MET: variants seen among roughly 807,000 people sequenced by gnomAD.
MET encodes the protein hepatocyte growth factor receptor.
In MET, 48 loss-of-function variants were observed where a neutral mutation model predicts 133.1. The ratio of observed to expected loss-of-function variants is 0.36; its 90% CI spans 0.29 to 0.46. MET has a LOEUF of 0.46. Among genes scored for constraint, MET ranks in the 20% least tolerant of loss-of-function variants. The pLI, the probability that MET is intolerant of heterozygous loss-of-function variation, is 1.00. For synonymous variants in MET, 628 were observed against 616.5 expected, an observed-to-expected ratio of 1.02 and a Z score of -0.28; for missense variants, 1,442 against 1,695.9, an observed-to-expected ratio of 0.85 and a Z score of 2.63.
intron 2 of MET, among the ~76,000 whole-genome samples, chr7:116,710,629 C>A (rs949318941): frequency 6.6e-6 from 1 of 151,712 alleles, no homozygotes; most frequent in Non-Finnish European, 1.5e-5. Flanking sequence ...TCACTATTTG[C>A]GGCACAGTTA....
intron 1 of MET, among the ~76,000 whole-genome samples, chr7:116,676,990 T>G (rs1011237585): frequency 5.7e-5 from 4 of 70,586 alleles, no homozygotes; most frequent in Admixed American, 2.5e-4. Flanking sequence ...GTTGTTTTGT[T>G]TTTTTTTTTG....
chr7:116,721,619 T>C (rs1792488626), intron 2 of MET, among the ~76,000 whole-genome samples: 1 of 152,188 alleles, frequency 6.6e-6, no homozygotes, highest in African/African-American at 2.4e-5. Context: ...CTTGTGGGCA[T>C]TTAGTGCTAT....
At chr7:116,720,200 C>T (rs1207890929) in intron 2 of MET, among the ~76,000 whole-genome samples, 1 of 148,616 alleles carries the variant, frequency 6.7e-6, no homozygotes, top group Non-Finnish European at 1.5e-5. Flanking sequence ...AGGTCCTTCA[C>T]ATCCCTTGTA....
intron 2 of MET, among the ~76,000 whole-genome samples, chr7:116,703,173 A>C (rs1791643630): frequency 6.6e-6 from 1 of 152,140 alleles, no homozygotes; most frequent in Non-Finnish European, 1.5e-5. Flanking sequence ...CAAGCCACAA[A>C]TGCCCACTTA....
chr7:116,767,251 C>A (rs1434074310), intron 11 of MET, among the ~76,000 whole-genome samples: 1 of 152,146 alleles, frequency 6.6e-6, no homozygotes, highest in Non-Finnish European at 1.5e-5. Context: ...GACATGAGTC[C>A]CCGGGTGTGA....
In MET at chr7:116,739,985, TG is replaced by T. The variant is rs1793380314; in HGVS notation, c.1429del (p.Val477Ter). ...VSRSGPSTPH[V>X]NFLLDSHPVS... ...CTCGATCAGGACCATCAACCCCTCA[TG>T]TGAATTTTCTCCTGGACTCCCATCC... On this transcript the variant is annotated frameshift_variant, in exon 4 of 21. Transcript: ENST00000397752. LOFTEE classifies it high-confidence loss of function. The T allele has an allele frequency of 6.2e-7, 1 of 1,614,052 alleles. No homozygotes were observed. Among genetic ancestry groups the T allele is most frequent in the Admixed American group, 1.7e-5 (1 of 60,002 alleles).
chr7:116,760,308 A>G (rs1182377188), intron 10 of MET, among the ~76,000 whole-genome samples: 1 of 152,042 alleles, frequency 6.6e-6, no homozygotes, highest in Non-Finnish European at 1.5e-5. Flanking sequence ...TTCTTGAAAG[A>G]GCTAACAAAG....
chr7:116,742,102 T>G (rs1292843318), intron 5 of MET, among the ~76,000 whole-genome samples: 1 of 152,210 alleles, frequency 6.6e-6, no homozygotes, highest in East Asian at 1.9e-4. Flanking sequence ...TATGAAAGAT[T>G]CAAGTTAAAG....
intron 11 of MET, among the ~76,000 whole-genome samples, chr7:116,766,512 A>G (rs552054530): frequency 5.4e-4 from 82 of 152,272 alleles, no homozygotes; most frequent in Non-Finnish European, 1.1e-3. Flanking sequence ...AGCCAGCCAG[A>G]TGTTGTCCTT....
At position 116,796,085 on chromosome 7, in the gene MET, G is replaced by C. The variant is rs879254328; in HGVS notation, c.4134G>C (p.Glu1378Asp). 1 of 1,614,136 alleles carries C rather than the reference G, an allele frequency of 6.2e-7. No homozygotes were observed. Among genetic ancestry groups the C allele is most frequent in the Non-Finnish European group, 8.5e-7 (1 of 1,180,032 alleles). The change falls in exon 21 of 21, where the codon GAG becomes GAC. Residue 1378 changes from glutamate (E) to aspartate (D), a missense_variant. Glu to Asp is a conservative substitution (Grantham distance 45). Transcript: ENST00000397752. ...CATCAGAAGATAACGCTGATGATGA[G>C]GTGGACACACGACCAGCCTCCTTCT... is the stretch of plus-strand genomic sequence containing the variant. ...LLSSEDNADDEVDTRPASFWE... is the reference protein window; with the variant it reads ...LLSSEDNADDDVDTRPASFWE...
intron 1 of MET, among the ~76,000 whole-genome samples, chr7:116,697,004 C>G (rs561972143): frequency 1.3e-5 from 2 of 152,270 alleles, no homozygotes; most frequent in Non-Finnish European, 2.9e-5. Context: ...TTCCAGGCAC[C>G]TGCTTCCTGG....
rs760285693 is a variant in MET, at chr7:116,775,060, G to A, written c.3208G>A (p.Val1070Met). Residue 1070 changes from valine to methionine, a missense_variant, in exon 15 of 21, where the codon GTG (valine) becomes ATG (methionine). By Grantham distance (21) the Val-to-Met change is conservative. Transcript: ENST00000397752. ...GCTGGTCCAGGCAGTGCAGCATGTA[G>A]TGATTGGGCCCAGTAGCCTGATTGT... ...PELVQAVQHVVIGPSSLIVHF... is the reference protein window; with the variant it reads ...PELVQAVQHVMIGPSSLIVHF... 8.7e-6 allele frequency: 14 copies of A among 1,614,094 alleles called. No individual in the cohort carries two copies. In the East Asian group the frequency reaches 2.9e-4, roughly 33 times the overall value.
intron 2 of MET, among the ~76,000 whole-genome samples, chr7:116,716,493 G>C (rs904607621): frequency 1.4e-5 from 2 of 146,598 alleles, no homozygotes; most frequent in Admixed American, 6.8e-5. Flanking sequence ...AAGAAAGAAA[G>C]AAAGAAAGAA....
intron 2 of MET, among the ~76,000 whole-genome samples, chr7:116,715,741 G>A (rs1313293093): frequency 6.6e-6 from 1 of 152,158 alleles, no homozygotes; most frequent in Non-Finnish European, 1.5e-5. Context: ...TAGAGATCTA[G>A]GAATCCTAAA....
intron 19 of MET, 126 bp downstream of exon 19, chr7:116,783,595 A>G (rs930559570): frequency 1.1e-6 from 1 of 937,164 alleles, no homozygotes; most frequent in Non-Finnish European, 1.6e-6. Context: ...CTTCATATGT[A>G]AAAATGGACT....
intron 2 of MET, among the ~76,000 whole-genome samples, chr7:116,712,350 G>A (rs1792032886): frequency 6.6e-6 from 1 of 152,074 alleles, no homozygotes; most frequent in African/African-American, 2.4e-5. Context: ...TTTCTACCAT[G>A]TCTCTTATCA....
At chr7:116,739,842 C>G in intron 3 of MET, 108 bp from the exon 4 acceptor site, 1 of 1,489,990 alleles carries the variant, frequency 6.7e-7, no homozygotes, top group African/African-American at 1.4e-5. Flanking sequence ...TCAGTTCAAA[C>G]ACCCACAAGC....
At chr7:116,714,755 A>G (rs933576324) in intron 2 of MET, among the ~76,000 whole-genome samples, 24 of 151,268 alleles carry the variant, frequency 1.6e-4, no homozygotes, top group South Asian at 6.3e-4. Flanking sequence ...GCACACACAC[A>G]CACACACACA....
chr7:116,705,667 C>A (rs945441204), intron 2 of MET, among the ~76,000 whole-genome samples: 5 of 152,006 alleles, frequency 3.3e-5, no homozygotes, highest in African/African-American at 1.2e-4. Context: ...GAAAGAAAAT[C>A]CTTGAGGTAT....
Sources: gnomAD v4.1 joint callset for allele counts (sites outside exome capture counted in the v4.1 genomes callset) on GRCh38, gnomAD v4.1.1 for gene constraint, MANE v1.5 for transcripts, NCBI Gene and HGNC (gene_info 2026-07-23, HGNC 2026-07-21) for gene names.